The following SPTLC2 variants were observed in gnomAD, a reference collection of about 807,000 sequenced individuals.
SPTLC2 encodes serine palmitoyltransferase 2.
SPTLC2 carries 21 observed loss-of-function variants against 62.0 expected under a neutral mutation model. That is an observed-to-expected ratio of 0.34 (90% CI 0.24 to 0.49). The LOEUF (loss-of-function observed/expected upper bound fraction) is 0.49. SPTLC2 is among the 20% of genes least tolerant of loss of function. The pLI, the probability that SPTLC2 is intolerant of heterozygous loss-of-function variation, is 0.99. For missense variants in SPTLC2, 511 were observed against 713.0 expected (o/e 0.72, Z 3.23); for synonymous variants, 261 against 261.8 (o/e 1.00, Z 0.03).
At chr14:77,568,117 A>G (rs2079656464) in intron 5 of SPTLC2, among the ~76,000 whole-genome samples, 1 of 152,164 alleles carries the variant, frequency 6.6e-6, no homozygotes, top group Non-Finnish European at 1.5e-5. Context: ...TTTCCATCTG[A>G]GCATTGCTTT....
intron 4 of SPTLC2, among the ~76,000 whole-genome samples, chr14:77,572,871 G>A (rs1050161122): frequency 3.9e-5 from 6 of 152,184 alleles, no homozygotes; most frequent in Non-Finnish European, 4.4e-5. Flanking sequence ...GAATTGAAGC[G>A]ATTAGGATCT....
At chr14:77,570,565 C>A in intron 4 of SPTLC2, 57 bp from the exon 5 acceptor site, 1 of 1,603,012 alleles carries the variant, frequency 6.2e-7, no homozygotes, top group Non-Finnish European at 8.5e-7. Context: ...AAGAATTACT[C>A]ATCACTTTAT....
chr14:77,544,604 G>A (rs1424243513), intron 9 of SPTLC2, among the ~76,000 whole-genome samples: 4 of 152,138 alleles, frequency 2.6e-5, no homozygotes, highest in Non-Finnish European at 5.9e-5. Flanking sequence ...TACCTCTGAT[G>A]CAGGTGGTCC....
At chr14:77,530,814 T>G (rs1291116409) in intron 9 of SPTLC2, among the ~76,000 whole-genome samples, 1 of 152,216 alleles carries the variant, frequency 6.6e-6, no homozygotes, top group African/African-American at 2.4e-5. Context: ...CAATGATGTA[T>G]TCTAGCTCCT....
chr14:77,596,589 C>T (rs1361089401), intron 2 of SPTLC2, among the ~76,000 whole-genome samples: 1 of 151,358 alleles, frequency 6.6e-6, no homozygotes, highest in Non-Finnish European at 1.5e-5. Flanking sequence ...AATGAAGAAG[C>T]CCTCTTCCCC....
intron 9 of SPTLC2, among the ~76,000 whole-genome samples, chr14:77,543,170 C>T (rs2079510585): frequency 6.6e-6 from 1 of 152,184 alleles, no homozygotes; most frequent in South Asian, 2.1e-4. Flanking sequence ...CTGCCTCAGC[C>T]GCCTGAGTAG....
intron 6 of SPTLC2, among the ~76,000 whole-genome samples, chr14:77,559,620 T>A (rs1025410515): frequency 6.6e-6 from 1 of 152,204 alleles, no homozygotes; most frequent in Non-Finnish European, 1.5e-5. Flanking sequence ...CTGGGCATGG[T>A]GAATCACTCC....
chr14:77,576,220 G>A (rs910545978), intron 4 of SPTLC2, among the ~76,000 whole-genome samples: 38 of 152,090 alleles, frequency 2.5e-4, no homozygotes, highest in Admixed American at 1.5e-3. Flanking sequence ...GAAATCTTCC[G>A]CTGAATTAAA....
chr14:77,555,277 G>A (rs1433329147), intron 8 of SPTLC2, 23 bp downstream of exon 8: 19 of 1,613,260 alleles, frequency 1.2e-5, no homozygotes, highest in South Asian at 2.2e-5. Context: ...ATCTCTAATC[G>A]CTCATTCTCA....
At chr14:77,561,479 C>T (rs765831693) in intron 6 of SPTLC2, among the ~76,000 whole-genome samples, 5 of 151,868 alleles carry the variant, frequency 3.3e-5, no homozygotes, top group South Asian at 2.1e-4. Context: ...GGTGTGGTGG[C>T]GCGCTCCTGT....
chr14:77,541,875 G>A (rs1318030928), intron 9 of SPTLC2, among the ~76,000 whole-genome samples: 1 of 152,146 alleles, frequency 6.6e-6, no homozygotes, highest in Non-Finnish European at 1.5e-5. Context: ...TGGCCAACAT[G>A]GAGAAACCCC....
chr14:77,582,251 A>G (rs2079755799), intron 2 of SPTLC2, among the ~76,000 whole-genome samples: 1 of 151,916 alleles, frequency 6.6e-6, no homozygotes, highest in African/African-American at 2.4e-5. Context: ...ACAGTGTTTC[A>G]CCATGTTGGT....
At chr14:77,536,929 A>AC (rs1055123339) in intron 9 of SPTLC2, among the ~76,000 whole-genome samples, 124 of 145,494 alleles carry the variant, frequency 8.5e-4, no homozygotes, top group African/African-American at 3.0e-3. Context: ...CCACCCCCCC[A>AC]CTTCTTTTTT....
At chr14:77,523,137 C>T (rs2079392903) in intron 9 of SPTLC2, among the ~76,000 whole-genome samples, 1 of 152,188 alleles carries the variant, frequency 6.6e-6, no homozygotes, top group Admixed American at 6.5e-5. Context: ...ACTGATGAGC[C>T]AAGTCCCCTA....
intron 10 of SPTLC2, among the ~76,000 whole-genome samples, chr14:77,518,945 C>T (rs1261598044): frequency 1.3e-5 from 2 of 152,254 alleles, no homozygotes; most frequent in African/African-American, 4.8e-5. Flanking sequence ...CAATCCCCCA[C>T]CCCTATCGTA....
intron 9 of SPTLC2, among the ~76,000 whole-genome samples, chr14:77,532,808 T>C (rs1380679418): frequency 9.5e-6 from 1 of 105,544 alleles, no homozygotes; most frequent in Non-Finnish European, 2.3e-5. Context: ...AAAATAAAAA[T>C]AAATAAATAA....
In SPTLC2 at chr14:77,616,636, C is replaced by A; in HGVS notation, c.-57G>T. ...CTGTAGGCGGTGGCAGCGGCGGCGG[C>A]TGCTCCAAGTCCCGCTCCGCACCCC... On this transcript the variant is annotated 5_prime_UTR_variant, in exon 1 of 12. Coordinates refer to ENST00000216484, the MANE Select transcript of SPTLC2 (RefSeq NM_004863.4). The A allele has an allele frequency of 2.7e-6, 4 of 1,505,192 alleles. No homozygotes were observed. The South Asian group carries it at 4.8e-5, about 18-fold the overall frequency. 93.2% of individuals were successfully genotyped at this position (1,505,192 alleles called of 1,614,324 possible).
intron 1 of SPTLC2, among the ~76,000 whole-genome samples, chr14:77,607,723 C>T (rs1000154287): frequency 2.0e-5 from 3 of 152,148 alleles, no homozygotes; most frequent in Non-Finnish European, 2.9e-5. Flanking sequence ...TACATGGAGA[C>T]AAATGGTTAT....
At position 77,587,759 on chromosome 14, in the gene SPTLC2, A is replaced by AAATAATAATAATAATAATAAT. The variant is rs59005485; in HGVS notation, c.328-8671_328-8651dup. On this transcript the variant is annotated intron_variant, in intron 2 of 11. Coordinates refer to ENST00000216484, the MANE Select transcript of SPTLC2 (RefSeq NM_004863.4). The stretch of plus-strand genomic sequence containing the variant: ...GCGACAAGAGCAAAACTCTGTCTCA[A>AAATAATAATAATAATAATAAT]AATAATAATAATAATAATAATAATA... Among the ~76,000 whole-genome samples the AAATAATAATAATAATAATAAT allele has an allele frequency of 6.6e-3, 955 of 145,088 alleles. 6 individuals carry two copies. Among genetic ancestry groups the AAATAATAATAATAATAATAAT allele is most frequent in the Non-Finnish European group, 9.8e-3 (648 of 66,280 alleles).
Sources: allele counts gnomAD v4.1 joint callset (sites outside exome capture counted in the v4.1 genomes callset), GRCh38; gene constraint gnomAD v4.1.1; transcripts MANE v1.5; gene names NCBI Gene and HGNC (gene_info 2026-07-23, HGNC 2026-07-21).